LRFN5: variants seen among roughly 807,000 people sequenced by gnomAD.
The protein encoded by LRFN5 is leucine-rich repeat and fibronectin type-III domain-containing protein 5.
In LRFN5, 24 loss-of-function variants were observed where a neutral mutation model predicts 45.6. The ratio of observed to expected loss-of-function variants is 0.53; its 90% CI spans 0.38 to 0.74. The LOEUF is 0.74. Among genes scored for constraint, LRFN5 ranks in the 30% least tolerant of loss-of-function variants. The pLI is 0.00. For synonymous variants in LRFN5, 340 were observed against 313.8 expected (o/e 1.08, Z -0.88); for missense variants, 776 against 861.5 (o/e 0.90, Z 1.24).
chr14:41,685,061 A>G (rs1427657815), intron 1 of LRFN5, among the ~76,000 whole-genome samples: 1 of 152,214 alleles, frequency 6.6e-6, no homozygotes, highest in Non-Finnish European at 1.5e-5. Flanking sequence ...GCTAGGCATT[A>G]TTAATCACTG....
chr14:41,751,343 A>G (rs749260285), intron 1 of LRFN5, among the ~76,000 whole-genome samples: 5 of 152,150 alleles, frequency 3.3e-5, no homozygotes, highest in African/African-American at 4.8e-5. Context: ...TATAAATGGA[A>G]TTACAGCTCC....
intron 2 of LRFN5, among the ~76,000 whole-genome samples, chr14:41,840,940 T>C (rs940653614): frequency 1.3e-5 from 2 of 151,992 alleles, no homozygotes; most frequent in African/African-American, 4.8e-5. Flanking sequence ...GTTATACAAA[T>C]GCACAGAATC....
rs375514530 is a variant in LRFN5, at chr14:41,841,133, C to T, written c.-20-45473C>T. ...CAATCATTTAACTGTATAAATTATA[C>T]ATAAATATGTAACTAAATCAATAAA... On this transcript the variant is annotated intron_variant, in intron 2 of 5. Coordinates refer to ENST00000298119, the MANE Select transcript of LRFN5 (RefSeq NM_152447.5). 3.3e-5 allele frequency among the ~76,000 whole-genome samples: 5 copies of T among 151,520 alleles called. No homozygotes were observed. The East Asian group carries it at 7.7e-4, about 23-fold the overall frequency.
chr14:41,797,340 T>G (rs2138959977), intron 2 of LRFN5, among the ~76,000 whole-genome samples: 1 of 151,906 alleles, frequency 6.6e-6, no homozygotes, highest in South Asian at 2.1e-4. Context: ...GTTTTCCTAA[T>G]GCCATTTGTT....
At chr14:41,782,789 C>T (rs773345014) in intron 2 of LRFN5, among the ~76,000 whole-genome samples, 3 of 152,122 alleles carry the variant, frequency 2.0e-5, no homozygotes, top group Non-Finnish European at 4.4e-5. Context: ...AAGTATTTCT[C>T]ATCAGAAAGA....
rs144733154 is a variant in LRFN5, at chr14:41,670,186, A to C, written c.-197+61624A>C. Among the ~76,000 whole-genome samples, 602 of 126,152 alleles carry C rather than the reference A, an allele frequency of 4.8e-3. 8 individuals carry two copies. The highest frequency in any genetic ancestry group is 0.011 in the African/African-American group (359 of 32,762). The allele number at this position is 126,152 out of a possible 152,430, so 82.8% of individuals were successfully genotyped here. On this transcript the variant is annotated intron_variant, in intron 1 of 5. Transcript: ENST00000298119. ...TTCTGTGTATATATACACATTCTCT[A>C]TATATATATACATTCTCTGTGTGTG... is the stretch of plus-strand genomic sequence containing the variant.
At chr14:41,831,725 A>T (rs933999946) in intron 2 of LRFN5, among the ~76,000 whole-genome samples, 2 of 152,176 alleles carry the variant, frequency 1.3e-5, no homozygotes, top group Non-Finnish European at 2.9e-5. Flanking sequence ...CATATGGCTC[A>T]AGGTAGTATT....
intron 1 of LRFN5, among the ~76,000 whole-genome samples, chr14:41,753,679 G>C (rs1171664969): frequency 6.6e-6 from 1 of 152,048 alleles, no homozygotes; most frequent in East Asian, 1.9e-4. Flanking sequence ...GAGACGATGG[G>C]GTTTTCTAGA....
chr14:41,901,417 T>A (rs1891095989), intron 5 of LRFN5, among the ~76,000 whole-genome samples: 1 of 135,278 alleles, frequency 7.4e-6, no homozygotes, highest in African/African-American at 2.8e-5. Context: ...TTCTGACCAA[T>A]AAAATATGTA....
At chr14:41,903,765 A>T (rs564725646) in intron 5 of LRFN5, among the ~76,000 whole-genome samples, 2 of 152,124 alleles carry the variant, frequency 1.3e-5, no homozygotes, top group East Asian at 3.9e-4. Flanking sequence ...CAGAATTTTT[A>T]AAATTTGTAA....
At chr14:41,685,215 A>G (rs1179592187) in intron 1 of LRFN5, among the ~76,000 whole-genome samples, 1 of 152,202 alleles carries the variant, frequency 6.6e-6, no homozygotes, top group Non-Finnish European at 1.5e-5. Context: ...AAATTAGCAC[A>G]AGTCCTGGAG....
chr14:41,673,538 CA>C (rs1881363831), intron 1 of LRFN5, among the ~76,000 whole-genome samples: 1 of 146,236 alleles, frequency 6.8e-6, no homozygotes, highest in Non-Finnish European at 1.5e-5. Flanking sequence ...AGGCACCCCT[CA>C]CCTCCCGGAC....
intron 1 of LRFN5, among the ~76,000 whole-genome samples, chr14:41,730,226 C>T (rs1300646066): frequency 2.0e-5 from 3 of 152,034 alleles, no homozygotes; most frequent in Admixed American, 6.6e-5. Context: ...TAATTTTCAC[C>T]TTGTATTACA....
chr14:41,809,567 A>T lies in LRFN5; in HGVS notation c.-21+42538A>T, dbSNP rs190454386. Among the ~76,000 whole-genome samples, 46 of 151,982 alleles carry T rather than the reference A, an allele frequency of 3.0e-4. No individual in the cohort carries two copies. The East Asian group carries it at 8.7e-3, about 29-fold the overall frequency. On this transcript the variant is annotated intron_variant, in intron 2 of 5. Coordinates refer to ENST00000298119, the MANE Select transcript of LRFN5 (RefSeq NM_152447.5). ...ATATATAAGTCAAGTAAGGATGTTA[A>T]GAGTGTTTATTAATTATTAACAATA... is the stretch of plus-strand genomic sequence containing the variant.
In LRFN5 at chr14:41,836,053, A is replaced by G. The variant is rs1019811214; in HGVS notation, c.-20-50553A>G. On this transcript the variant is annotated intron_variant, in intron 2 of 5. Coordinates refer to ENST00000298119, the MANE Select transcript of LRFN5 (RefSeq NM_152447.5). Reference sequence around the variant, plus strand: ...ATCTCAAAATGAGCTCAGAAATTATATGATCTTCCACCTTTAAAAGAATCA... The same window carrying G: ...ATCTCAAAATGAGCTCAGAAATTATGTGATCTTCCACCTTTAAAAGAATCA... Among the ~76,000 whole-genome samples the G allele has an allele frequency of 3.3e-5, 5 of 152,136 alleles. No homozygotes were observed. In the South Asian group the frequency reaches 8.3e-4, roughly 25 times the overall value.
intron 1 of LRFN5, among the ~76,000 whole-genome samples, chr14:41,639,167 A>G (rs992578716): frequency 3.2e-4 from 49 of 152,092 alleles, no homozygotes; most frequent in Non-Finnish European, 5.4e-4. Flanking sequence ...GACAGGGCTC[A>G]TGAATCATTT....
intron 1 of LRFN5, among the ~76,000 whole-genome samples, chr14:41,705,127 T>A (rs1176300090): frequency 6.6e-6 from 1 of 152,052 alleles, no homozygotes; most frequent in East Asian, 1.9e-4. Context: ...ATTTTTCATA[T>A]AAATTAACTA....
intron 2 of LRFN5, among the ~76,000 whole-genome samples, chr14:41,870,305 C>T (rs932400225): frequency 6.6e-5 from 10 of 152,146 alleles, no homozygotes; most frequent in African/African-American, 1.9e-4. Flanking sequence ...TTCCTTCAAA[C>T]GATTTGCCCA....
At chr14:41,705,370 T>C (rs1039786282) in intron 1 of LRFN5, among the ~76,000 whole-genome samples, 1 of 152,178 alleles carries the variant, frequency 6.6e-6, no homozygotes, top group East Asian at 1.9e-4. Flanking sequence ...AAGGTAATTT[T>C]TGAATTGTTT....
Sources: gnomAD v4.1 joint callset for allele counts (sites outside exome capture counted in the v4.1 genomes callset) on GRCh38, gnomAD v4.1.1 for gene constraint, MANE v1.5 for transcripts, NCBI Gene and HGNC (gene_info 2026-07-23, HGNC 2026-07-21) for gene names.